DMC1: variants seen among roughly 807,000 people sequenced by gnomAD.
DMC1 encodes DNA meiotic recombinase 1, also known as meiotic recombination protein DMC1 homolog.
DMC1 carries 27 observed loss-of-function variants against 50.1 expected under a neutral mutation model. That is an observed-to-expected ratio of 0.54 (90% confidence interval 0.40 to 0.74). The LOEUF (loss-of-function observed/expected upper bound fraction) is 0.74, where lower values mean the gene tolerates loss of function less well. Ranked by LOEUF, DMC1 falls within the 30% of genes least tolerant of loss-of-function variation. DMC1 has a pLI of 0.00. For missense variants in DMC1, 295 were observed against 420.2 expected (o/e 0.70, Z 2.60); for synonymous variants, 148 against 136.1 (o/e 1.09, Z -0.61).
intron 12 of DMC1, among the ~76,000 whole-genome samples, chr22:38,532,513 G>T (rs1048477495): frequency 6.6e-6 from 1 of 151,636 alleles, no homozygotes; most frequent in African/African-American, 2.4e-5. Context: ...GTAGAGACAG[G>T]GTTTCACCAT....
chr22:38,549,079 A>C (rs1484109307), intron 8 of DMC1, among the ~76,000 whole-genome samples: 3 of 152,146 alleles, frequency 2.0e-5, no homozygotes, highest in Non-Finnish European at 4.4e-5. Context: ...TACCAGTTCC[A>C]ACCTAGATCA....
intron 5 of DMC1, among the ~76,000 whole-genome samples, chr22:38,558,732 A>G (rs1368655531): frequency 6.7e-6 from 1 of 149,744 alleles, no homozygotes. Context: ...AACAAACAAC[A>G]AAAAAAAACC....
At position 38,552,714 on chromosome 22, in the gene DMC1, A is replaced by G; in HGVS notation, c.380-7T>C. On this transcript the variant is annotated splice_polypyrimidine_tract_variant and splice_region_variant and intron_variant, in intron 6 of 13. Coordinates refer to ENST00000216024, the MANE Select transcript of DMC1 (RefSeq NM_007068.4). ...GTTTTTCCAGTACGAAATTCTGTGA[A>G]ATACAGAAAAAAATGATTTTAAAAA... The G allele has an allele frequency of 6.4e-7, 1 of 1,569,720 alleles. No homozygotes were observed.
chr22:38,526,247 C>T (rs890730961), intron 12 of DMC1, among the ~76,000 whole-genome samples: 1 of 151,920 alleles, frequency 6.6e-6, no homozygotes, highest in Admixed American at 6.6e-5. Context: ...CTCTGTTGCC[C>T]AGGCTGGAGT....
chr22:38,529,137 A>G (rs2090128343), intron 12 of DMC1, among the ~76,000 whole-genome samples: 1 of 152,004 alleles, frequency 6.6e-6, no homozygotes, highest in African/African-American at 2.4e-5. Flanking sequence ...CAGCCTCCCA[A>G]GTAGCTGGGA....
chr22:38,517,586 C>CA (rs906451006), downstream of DMC1, among the ~76,000 whole-genome samples: 3 of 149,920 alleles, frequency 2.0e-5, no homozygotes, highest in Non-Finnish European at 4.4e-5. Context: ...AAAAACAAAA[C>CA]AAAAAACAAA....
intron 12 of DMC1, among the ~76,000 whole-genome samples, chr22:38,532,227 T>C (rs2090160333): frequency 6.6e-6 from 1 of 152,196 alleles, no homozygotes; most frequent in Admixed American, 6.5e-5. Context: ...ACAGAGATGA[T>C]TGCCTTAACC....
chr22:38,514,785 A>C, downstream of DMC1, among the ~76,000 whole-genome samples: 1 of 152,146 alleles, frequency 6.6e-6, no homozygotes, highest in East Asian at 1.9e-4. Flanking sequence ...ATGGTCTAAA[A>C]GGAGAGGAAC....
chr22:38,527,432 C>T (rs375828333), intron 12 of DMC1, among the ~76,000 whole-genome samples: 21 of 151,748 alleles, frequency 1.4e-4, no homozygotes, highest in Middle Eastern at 3.4e-3. Flanking sequence ...CTTGAACTCC[C>T]GACCTCAAGT....
chr22:38,550,764 C>T (rs2090395433), intron 7 of DMC1, among the ~76,000 whole-genome samples: 1 of 150,414 alleles, frequency 6.6e-6, no homozygotes, highest in Non-Finnish European at 1.5e-5. Flanking sequence ...AACCCTGTCT[C>T]TACTAAAAAT....
intron 4 of DMC1, among the ~76,000 whole-genome samples, chr22:38,564,213 G>C (rs2090558363): frequency 6.6e-6 from 1 of 152,200 alleles, no homozygotes; most frequent in Non-Finnish European, 1.5e-5. Flanking sequence ...GCATATTCCT[G>C]TAGTCCCATG....
downstream of DMC1, among the ~76,000 whole-genome samples, chr22:38,514,037 C>T (rs1484485435): frequency 6.6e-6 from 1 of 152,124 alleles, no homozygotes; most frequent in African/African-American, 2.4e-5. Flanking sequence ...AAGATCGAGT[C>T]CTGAGGCTGC....
intron 5 of DMC1, among the ~76,000 whole-genome samples, chr22:38,559,792 G>A (rs905310973): frequency 4.6e-5 from 7 of 152,050 alleles, no homozygotes; most frequent in African/African-American, 9.6e-5. Flanking sequence ...AGGCTGAAGC[G>A]GTGGATCATG....
In DMC1 at chr22:38,537,497, C is replaced by G. The variant is rs2090227531; in HGVS notation, c.836+95G>C. ...AAAGTGCTGGAATTACAGGCGTGAG[C>G]CACCGTGCCCGGCCTTGAAATTATT... On this transcript the variant is annotated intron_variant, in intron 12 of 13. Transcript: ENST00000216024. 5 of 1,175,960 alleles carry G rather than the reference C, an allele frequency of 4.3e-6. No homozygotes were observed. In the South Asian group the frequency reaches 6.1e-5, roughly 14 times the overall value. The allele number at this position is 1,175,960 out of a possible 1,614,324, so 72.8% of individuals were successfully genotyped here.
chr22:38,550,970 GAAAAAAGAA>G (rs2090401471), intron 7 of DMC1, among the ~76,000 whole-genome samples: 1 of 137,042 alleles, frequency 7.3e-6, no homozygotes, highest in Non-Finnish European at 1.6e-5. Context: ...AAGAAAGAAA[GAAAAAAGAA>G]AAAAAAGAAA....
intron 5 of DMC1, among the ~76,000 whole-genome samples, chr22:38,558,574 G>C (rs1189214332): frequency 6.6e-6 from 1 of 151,950 alleles, no homozygotes; most frequent in Admixed American, 6.6e-5. Context: ...AATTAGCCCG[G>C]TGTGGTGGCA....
Position 38,552,723 on chromosome 22 carries a change from A to C in DMC1, c.380-16T>G. ...GTACGAAATTCTGTGAAATACAGAAAAAAATGATTTTAAAAATGCATAATT... is the reference window on the plus strand; with the variant it reads ...GTACGAAATTCTGTGAAATACAGAACAAAATGATTTTAAAAATGCATAATT... On this transcript the variant is annotated splice_polypyrimidine_tract_variant and intron_variant, in intron 6 of 13. Coordinates refer to ENST00000216024, the MANE Select transcript of DMC1 (RefSeq NM_007068.4). 1 of 1,550,312 alleles carries C rather than the reference A, an allele frequency of 6.5e-7. No homozygotes were observed. The highest frequency in any genetic ancestry group is 8.9e-7 in the Non-Finnish European group (1 of 1,122,442).
chr22:38,520,151 A>T (rs546371397), intron 13 of DMC1, 62 bp from the exon 14 acceptor site: 16 of 1,352,620 alleles, frequency 1.2e-5, no homozygotes, highest in Admixed American at 3.4e-5. Flanking sequence ...TACTATATTC[A>T]TGTCACAGGC....
At chr22:38,530,004 C>T (rs954875219) in intron 12 of DMC1, among the ~76,000 whole-genome samples, 4 of 152,108 alleles carry the variant, frequency 2.6e-5, no homozygotes, top group East Asian at 1.9e-4. Context: ...CTTGCTCTGT[C>T]GCCCAGGCTG....
Sources: allele counts gnomAD v4.1 joint callset (sites outside exome capture counted in the v4.1 genomes callset), GRCh38; gene constraint gnomAD v4.1.1; transcripts MANE v1.5; gene names NCBI Gene and HGNC (gene_info 2026-07-23, HGNC 2026-07-21).